The following VMP1 variants were observed in gnomAD, a reference collection of about 807,000 sequenced individuals.
VMP1 encodes the protein ectopic P-granules autophagy protein 3 homolog.
In VMP1, 11 loss-of-function variants were observed where a neutral mutation model predicts 56.0. The observed-to-expected ratio is 0.20, with a 90% confidence interval of 0.12 to 0.32. The LOEUF (loss-of-function observed/expected upper bound fraction) is 0.32. Ranked by LOEUF, VMP1 falls within the 10% of genes least tolerant of loss-of-function variation. The pLI, the probability that VMP1 is intolerant of heterozygous loss-of-function variation, is 1.00. For missense variants in VMP1, 296 were observed against 490.3 expected, an observed-to-expected ratio of 0.60 and a Z score of 3.74; for synonymous variants, 149 against 165.0, an observed-to-expected ratio of 0.90 and a Z score of 0.74.
At chr17:59,737,364 CCTAA>C (rs1174627567) in intron 3 of VMP1, 85 bp from the exon 4 acceptor site, 12 of 1,341,464 alleles carry the variant, frequency 8.9e-6, no homozygotes, top group Admixed American at 4.0e-5. Flanking sequence ...AGCTAGGTAA[CCTAA>C]CTGTTTCAGC....
intron 7 of VMP1, chr17:59,785,077 G>A (rs2036962364): frequency 6.6e-6 from 1 of 152,156 alleles, no homozygotes; most frequent in Admixed American, 6.5e-5. Flanking sequence ...GATGTATCCT[G>A]AAAAATTAGG....
intron 5 of VMP1, among the ~76,000 whole-genome samples, chr17:59,750,949 T>TG (rs1216064131): frequency 6.9e-6 from 1 of 144,512 alleles, no homozygotes; most frequent in Admixed American, 6.8e-5. Context: ...TTTTTTTTTT[T>TG]GGAGACAGAG....
At chr17:59,782,390 T>C (rs2144078377) in intron 7 of VMP1, among the ~76,000 whole-genome samples, 2 of 152,332 alleles carry the variant, frequency 1.3e-5, no homozygotes, top group South Asian at 4.1e-4. Context: ...TCTTATATTT[T>C]GTTGTTCTAA....
chr17:59,831,725 A>G (rs924976783), intron 10 of VMP1, among the ~76,000 whole-genome samples: 2 of 150,834 alleles, frequency 1.3e-5, no homozygotes, highest in Admixed American at 6.6e-5. Flanking sequence ...CATGAAACCA[A>G]TTTTGAGCTC....
chr17:59,840,017 T>C lies in VMP1; in HGVS notation c.*106T>C, dbSNP rs2039110344. The stretch of plus-strand genomic sequence containing the variant: ...ATTCCCTTTTCCAACCTGTATCAAT[T>C]TTTACAACTTTTTTCCTGAAAGCAG... On this transcript the variant is annotated 3_prime_UTR_variant, in exon 12 of 12. Coordinates refer to ENST00000262291, the MANE Select transcript of VMP1 (RefSeq NM_030938.5). 2 of 1,451,400 alleles carry C rather than the reference T, an allele frequency of 1.4e-6. No individual in the cohort carries two copies. Among genetic ancestry groups the C allele is most frequent in the Admixed American group, 2.5e-5 (1 of 39,872 alleles). 89.9% of individuals were successfully genotyped at this position (1,451,400 alleles called of 1,614,324 possible). A position where few individuals can be genotyped will look rare whatever the true frequency, so the allele number is the denominator to read the frequency against.
intron 2 of VMP1, among the ~76,000 whole-genome samples, chr17:59,732,104 A>G (rs182057943): frequency 3.6e-4 from 55 of 152,274 alleles, no homozygotes; most frequent in Admixed American, 2.9e-3. Context: ...TTTTGTTGTA[A>G]TCATACTTTT....
At chr17:59,718,185 T>G (rs982483252) in intron 1 of VMP1, among the ~76,000 whole-genome samples, 1 of 37,300 alleles carries the variant, frequency 2.7e-5, no homozygotes, top group Non-Finnish European at 7.6e-5. Flanking sequence ...CCCTCCCTCC[T>G]TTTTTTTTTT....
chr17:59,748,647 A>G (rs1297334008), intron 5 of VMP1, among the ~76,000 whole-genome samples: 1 of 152,176 alleles, frequency 6.6e-6, no homozygotes, highest in Non-Finnish European at 1.5e-5. Context: ...GATTGCTGCT[A>G]TTATAATTAG....
chr17:59,711,281 C>G (rs1007578198), intron 1 of VMP1, among the ~76,000 whole-genome samples: 3 of 150,450 alleles, frequency 2.0e-5, no homozygotes, highest in Non-Finnish European at 3.0e-5. Flanking sequence ...GTTGGGTACT[C>G]TTTTTTTTTG....
chr17:59,709,953 T>C (rs960946842), intron 1 of VMP1, among the ~76,000 whole-genome samples: 1 of 152,112 alleles, frequency 6.6e-6, no homozygotes. Flanking sequence ...ATCCCAGCAC[T>C]TTGGGAGGCC....
intron 1 of VMP1, among the ~76,000 whole-genome samples, chr17:59,728,552 T>TAG (rs1297974255): frequency 3.9e-5 from 6 of 152,132 alleles, no homozygotes; most frequent in Non-Finnish European, 7.3e-5. Flanking sequence ...CTATTAAATA[T>TAG]AGAGACGCGT....
intron 10 of VMP1, among the ~76,000 whole-genome samples, chr17:59,829,663 A>G (rs1049236794): frequency 1.1e-4 from 17 of 152,186 alleles, no homozygotes; most frequent in Non-Finnish European, 2.2e-4. Flanking sequence ...ATTTCTGAAG[A>G]TGGAGAATTA....
chr17:59,772,021 C>CT (rs543949321), intron 6 of VMP1, among the ~76,000 whole-genome samples: 1,685 of 150,384 alleles, frequency 0.011, 19 homozygotes, highest in Non-Finnish European at 0.018. Flanking sequence ...TCTCTTTTTT[C>CT]TTTTTTTTTG....
intron 1 of VMP1, among the ~76,000 whole-genome samples, chr17:59,716,478 CTG>C (rs2034156613): frequency 6.6e-6 from 1 of 152,136 alleles, no homozygotes; most frequent in African/African-American, 2.4e-5. Context: ...ATATGTGACT[CTG>C]GAATTCCTCA....
chr17:59,805,092 A>C (rs1025265553), intron 7 of VMP1, among the ~76,000 whole-genome samples: 4 of 152,218 alleles, frequency 2.6e-5, no homozygotes, highest in Non-Finnish European at 5.9e-5. Context: ...TTTCCTTATA[A>C]TACATGCCAG....
chr17:59,708,223 C>T (rs1226444131), intron 1 of VMP1: 1 of 152,222 alleles, frequency 6.6e-6, no homozygotes, highest in Non-Finnish European at 1.5e-5. Context: ...CCATCTAAAG[C>T]TCTGGTGGTA....
chr17:59,710,689 A>G (rs1454624578), intron 1 of VMP1, among the ~76,000 whole-genome samples: 1 of 152,204 alleles, frequency 6.6e-6, no homozygotes, highest in Non-Finnish European at 1.5e-5. Flanking sequence ...ATGCTTCATG[A>G]CTGTCATGTG....
chr17:59,721,221 C>G (rs1291670841), intron 1 of VMP1, among the ~76,000 whole-genome samples: 1 of 149,846 alleles, frequency 6.7e-6, no homozygotes, highest in Non-Finnish European at 1.5e-5. Context: ...TGGCACACAC[C>G]TGTAATTCCA....
chr17:59,745,868 ATG>A (rs1325275570), intron 5 of VMP1, among the ~76,000 whole-genome samples: 1 of 152,264 alleles, frequency 6.6e-6, no homozygotes, highest in Non-Finnish European at 1.5e-5. Context: ...ACAGAAAAAA[ATG>A]TAATTCATTA....
Sources: gnomAD v4.1 joint callset for allele counts (sites outside exome capture counted in the v4.1 genomes callset) on GRCh38, gnomAD v4.1.1 for gene constraint, MANE v1.5 for transcripts, NCBI Gene and HGNC (gene_info 2026-07-23, HGNC 2026-07-21) for gene names.